GALNT15: variants seen among roughly 807,000 people sequenced by gnomAD.
The protein encoded by GALNT15 is polypeptide N-acetylgalactosaminyltransferase 15.
In GALNT15, 67 loss-of-function variants were observed where a neutral mutation model predicts 66.8. The observed-to-expected ratio is 1.00, with a 90% CI of 0.82 to 1.23. The LOEUF is 1.23. GALNT15 is among the 50% of genes most tolerant of loss of function. The probability of loss-of-function intolerance (pLI) is 0.00; values close to 1 mark genes in which losing one functional copy is unlikely to be tolerated. For synonymous variants in GALNT15, 313 were observed against 311.5 expected (o/e 1.00, Z -0.05); for missense variants, 827 against 804.3 (o/e 1.03, Z -0.34).
At chr3:16,177,111 G>T (rs571859707) in intron 1 of GALNT15, among the ~76,000 whole-genome samples, 37 of 152,314 alleles carry the variant, frequency 2.4e-4, no homozygotes, top group Non-Finnish European at 2.5e-4. Flanking sequence ...TCAGTCGAAT[G>T]CCTGCTTTCC....
At chr3:16,243,728 C>T in the GALNT15 span, among the ~76,000 whole-genome samples, 440 of 152,294 alleles carry the variant, frequency 2.9e-3, 9 homozygotes, top group East Asian at 0.051. Context: ...ATTTTATAAA[C>T]GGGCATCCTA....
At chr3:16,217,174 T>C (rs1214985318) in intron 6 of GALNT15, among the ~76,000 whole-genome samples, 3 of 152,236 alleles carry the variant, frequency 2.0e-5, no homozygotes, top group Non-Finnish European at 4.4e-5. Context: ...TAAAATGAAA[T>C]GTGAAAGAGT....
chr3:16,230,858 C>T (rs1395250522), downstream of GALNT15, among the ~76,000 whole-genome samples: 1 of 152,174 alleles, frequency 6.6e-6, no homozygotes, highest in Non-Finnish European at 1.5e-5. The surrounding 1 kb of genome is among the most constrained non-coding windows in gnomAD (Gnocchi z 4.5). Context: ...CAAGGAGGTG[C>T]TATTTCCAGA....
rs919576441 is a variant in GALNT15 at position 16,175,981 on chromosome 3, G to A, written c.539+291G>A. 2.0e-5 allele frequency among the ~76,000 whole-genome samples: 3 copies of A among 152,228 alleles called. No individual in the cohort carries two copies. Among genetic ancestry groups the A allele is most frequent in the Non-Finnish European group, 4.4e-5 (3 of 68,044 alleles). On this transcript the variant is annotated intron_variant, in intron 1 of 9. Transcript: ENST00000339732. The surrounding 1 kb of genome is among the most constrained non-coding windows in gnomAD (Gnocchi z 5.6). ...GAATCATTGTCCTAGAAAGCAGAAA[G>A]TGAGGACTCTTGCTTGTTCATTCTC... is the stretch of plus-strand genomic sequence containing the variant.
At position 16,228,578 on chromosome 3, in the gene GALNT15, T is replaced by C; in HGVS notation, c.*1078T>C. On this transcript the variant is annotated 3_prime_UTR_variant, in exon 10 of 10. Coordinates refer to ENST00000339732, the MANE Select transcript of GALNT15 (RefSeq NM_054110.5). ...ATCGCTTGAACCCAGGAGGCAGAGG[T>C]TGCAGTGAGCTGAGATCATGCCATT... 1.2e-6 allele frequency: 1 copy of C among 853,402 alleles called. No homozygotes were observed. Among genetic ancestry groups the C allele is most frequent in the Middle Eastern group, 6.0e-4 (1 of 1,664 alleles). 52.9% of individuals were successfully genotyped at this position (853,402 alleles called of 1,614,324 possible).
chr3:16,228,199 T>C lies in GALNT15; in HGVS notation c.*699T>C. 1.0e-6 allele frequency: 1 copy of C among 985,962 alleles called. No homozygotes were observed. Among genetic ancestry groups the C allele is most frequent in the Non-Finnish European group, 1.2e-6 (1 of 829,984 alleles). 61.1% of individuals were successfully genotyped at this position (985,962 alleles called of 1,614,324 possible). Reference sequence around the variant, plus strand: ...GAGAATTTCCTTCCTACTGAGAATCTACCTCTATTCCCCCTGCCCTAGCTC... The same window carrying C: ...GAGAATTTCCTTCCTACTGAGAATCCACCTCTATTCCCCCTGCCCTAGCTC... On this transcript the variant is annotated 3_prime_UTR_variant, in exon 10 of 10. Coordinates refer to ENST00000339732, the MANE Select transcript of GALNT15 (RefSeq NM_054110.5).
At position 16,189,190 on chromosome 3, in the gene GALNT15, C is replaced by A. The variant is rs73818313; in HGVS notation, c.540-6570C>A. 0.022 allele frequency among the ~76,000 whole-genome samples: 3,278 copies of A among 152,226 alleles called. 138 individuals are homozygous for A. Among genetic ancestry groups the A allele is most frequent in the African/African-American group, 0.074 (3,059 of 41,530 alleles). On this transcript the variant is annotated intron_variant, in intron 1 of 9. Coordinates refer to ENST00000339732, the MANE Select transcript of GALNT15 (RefSeq NM_054110.5). This position sits in a 1 kb window ranked among gnomAD's most constrained non-coding sequence, Gnocchi z 5.1. ...CACAGGAAACATTTTGCTGTTAGGC[C>A]AGGGTTCTAGGGAGATTAGGTCCAA...
the GALNT15 span, among the ~76,000 whole-genome samples, chr3:16,244,520 C>G: frequency 6.6e-6 from 1 of 152,212 alleles, no homozygotes; most frequent in African/African-American, 2.4e-5. Flanking sequence ...GAGGATGGGC[C>G]AGGCATCCTA....
chr3:16,178,663 A>G (rs894747362), intron 1 of GALNT15, among the ~76,000 whole-genome samples: 1 of 152,166 alleles, frequency 6.6e-6, no homozygotes, highest in African/African-American at 2.4e-5. Flanking sequence ...AAAGCAAGGC[A>G]AACGATCTCC....
At chr3:16,177,933 G>A (rs766194505) in intron 1 of GALNT15, among the ~76,000 whole-genome samples, 2 of 152,308 alleles carry the variant, frequency 1.3e-5, no homozygotes, top group South Asian at 2.1e-4. Context: ...ATTTTGTGGT[G>A]TGTGTGCTGT....
the GALNT15 span, among the ~76,000 whole-genome samples, chr3:16,244,401 G>A: frequency 1.3e-5 from 2 of 152,228 alleles, no homozygotes; most frequent in South Asian, 4.1e-4. Flanking sequence ...AGACTCTGCT[G>A]CTGGCTGCAG....
downstream of GALNT15, among the ~76,000 whole-genome samples, chr3:16,232,238 G>A (rs13314446): frequency 8.9e-3 from 1,349 of 151,730 alleles, 20 homozygotes; most frequent in African/African-American, 0.031. Context: ...TTGTTACTGA[G>A]ACTAAGAAAT....
At position 16,193,971 on chromosome 3, in the gene GALNT15, C is replaced by A. The variant is rs2063606331; in HGVS notation, c.540-1789C>A. On this transcript the variant is annotated intron_variant, in intron 1 of 9. Transcript: ENST00000339732. The surrounding 1 kb of genome is among the most constrained non-coding windows in gnomAD (Gnocchi z 4.7). ...TGGACCCACTGATTCTCAACAGACC[C>A]AAAGCAAGGCAAACACCAAGCACCC... 6.6e-6 allele frequency among the ~76,000 whole-genome samples: 1 copy of A among 152,168 alleles called. No homozygotes were observed.
At chr3:16,206,570 G>A (rs1049663010) in intron 3 of GALNT15, among the ~76,000 whole-genome samples, 26 of 150,258 alleles carry the variant, frequency 1.7e-4, no homozygotes, top group Admixed American at 1.1e-3. Context: ...CTACTTGGGA[G>A]GCTGAGGCAG....
the GALNT15 span, among the ~76,000 whole-genome samples, chr3:16,247,591 C>T: frequency 1.3e-5 from 2 of 152,208 alleles, no homozygotes; most frequent in African/African-American, 2.4e-5. Flanking sequence ...AGCACAGGCA[C>T]GCCTGTGACC....
At position 16,219,910 on chromosome 3, in the gene GALNT15, C is replaced by T; in HGVS notation, c.1525C>T (p.Leu509Phe). The T allele has an allele frequency of 1.2e-6, 2 of 1,612,758 alleles. No individual in the cohort carries two copies. The highest frequency in any genetic ancestry group is 1.7e-6 in the Non-Finnish European group (2 of 1,178,776). The stretch of plus-strand genomic sequence containing the variant: ...CTCCTGTGTGTGTGTCCACTTTCAG[C>T]TCCACAACACTGGACTTGGGCTCTG... ...SEPRPSFSGKLHNTGLGLCAD... is the reference protein window; with the variant it reads ...SEPRPSFSGKFHNTGLGLCAD... Residue 509 changes from leucine to phenylalanine, a missense_variant and splice_region_variant, in exon 8 of 10, where the codon CTC (leucine) becomes TTC (phenylalanine). Transcript: ENST00000339732. The surrounding 1 kb of genome is among the most constrained non-coding windows in gnomAD (Gnocchi z 4.3).
At chr3:16,218,795 ACT>A (rs202204968) in intron 6 of GALNT15, among the ~76,000 whole-genome samples, 14 of 131,666 alleles carry the variant, frequency 1.1e-4, no homozygotes, top group Admixed American at 2.4e-4. Flanking sequence ...GATATCATAG[ACT>A]CTCTCTCTCT....
At chr3:16,210,996 A>G in intron 4 of GALNT15, 128 bp from the exon 5 acceptor site, 1 of 654,516 alleles carries the variant, frequency 1.5e-6, no homozygotes, top group Non-Finnish European at 2.7e-6. Context: ...AAAAAATTGC[A>G]TTTTACCTGA....
intron 9 of GALNT15, among the ~76,000 whole-genome samples, chr3:16,226,801 A>T (rs2064024924): frequency 6.6e-6 from 1 of 152,242 alleles, no homozygotes; most frequent in Admixed American, 6.5e-5. Context: ...AACTTTTCAT[A>T]AAGTAATTAA....
Sources: gnomAD v4.1 joint callset for allele counts (sites outside exome capture counted in the v4.1 genomes callset) on GRCh38, gnomAD v4.1.1 for gene constraint, Gnocchi (gnomAD v3.1) non-coding constraint, MANE v1.5 for transcripts, NCBI Gene and HGNC (gene_info 2026-07-23, HGNC 2026-07-21) for gene names.